The following STAG3 variants were observed in gnomAD, a reference collection of about 807,000 sequenced individuals.
STAG3 encodes the protein cohesin subunit SA-3.
STAG3 carries 101 observed loss-of-function variants against 160.7 expected under a neutral mutation model. That is an observed-to-expected ratio of 0.63 (90% CI 0.54 to 0.74). The LOEUF is 0.74. STAG3 is among the 30% of genes least tolerant of loss of function. The pLI, the probability that STAG3 is intolerant of heterozygous loss-of-function variation, is 0.00. For synonymous variants in STAG3, 519 were observed against 585.0 expected (o/e 0.89, Z 1.63); for missense variants, 1,188 against 1,517.4 (o/e 0.78, Z 3.61).
At chr7:100,203,205 A>T (rs1801304544) in intron 25 of STAG3, among the ~76,000 whole-genome samples, 3 of 145,198 alleles carry the variant, frequency 2.1e-5, no homozygotes, top group Admixed American at 6.9e-5. Flanking sequence ...TTTTTTCCTG[A>T]GACAGATTCT....
At chr7:100,183,435 C>G (rs1302068039) in intron 4 of STAG3, among the ~76,000 whole-genome samples, 2 of 152,204 alleles carry the variant, frequency 1.3e-5, no homozygotes, top group Non-Finnish European at 2.9e-5. Flanking sequence ...TGGGTGGCAC[C>G]TTGTTCACCC....
chr7:100,213,982 A>G lies in STAG3; in HGVS notation c.3673-25A>G, dbSNP rs762504724. On this transcript the variant is annotated intron_variant, in intron 33 of 33. Transcript: ENST00000615138. ...ATTGGCCCGTTGCTGTGTCCTGTGT[A>G]TTCCTTTCATCTTTCTCATTATAGG... is the stretch of plus-strand genomic sequence containing the variant. 72 of 1,613,808 alleles carry G rather than the reference A, an allele frequency of 4.5e-5. No homozygotes were observed. The Admixed American group carries it at 1.1e-3, about 25-fold the overall frequency.
At chr7:100,202,634 G>T in intron 25 of STAG3, 44 bp downstream of exon 25, 1 of 1,593,388 alleles carries the variant, frequency 6.3e-7, no homozygotes, top group Non-Finnish European at 8.6e-7. Flanking sequence ...GGAGCAAGTT[G>T]AGCACAGCCA....
chr7:100,214,847 C>A (rs1802625409), downstream of STAG3: 1 of 152,050 alleles, frequency 6.6e-6, no homozygotes, highest in South Asian at 2.1e-4. Flanking sequence ...CCCTAAAATC[C>A]AAGTGACAAT....
chr7:100,199,681 C>T, intron 16 of STAG3, 37 bp downstream of exon 16: 1 of 1,475,886 alleles, frequency 6.8e-7, no homozygotes, highest in Non-Finnish European at 9.2e-7. Context: ...GTCAGCAATA[C>T]TCAGTCTTGA....
rs754933040 is a variant in STAG3, at chr7:100,198,906, C to T, written c.1416C>T (p.Gly472=). ...GAAGAGAGCAACGCCAGAGCCCAGG[C>T]GCCCAGAGGACTTTCTTCCAGCTTC... ...MGGREQRQSP[G]AQRTFFQLLL... Residue 472 remains glycine (G), a synonymous_variant, in exon 14 of 34, where the codon GGC becomes GGT. Coordinates refer to ENST00000615138, the MANE Select transcript of STAG3 (RefSeq NM_001282717.2). 1.1e-5 allele frequency: 17 copies of T among 1,612,126 alleles called. No homozygotes were observed. Among genetic ancestry groups the T allele is most frequent in the African/African-American group, 2.7e-5 (2 of 74,862 alleles).
intron 8 of STAG3, among the ~76,000 whole-genome samples, chr7:100,190,798 T>C (rs1398950019): frequency 6.6e-6 from 1 of 152,204 alleles, no homozygotes; most frequent in African/African-American, 2.4e-5. Flanking sequence ...CTAGCTTATT[T>C]CCCCATTTTC....
chr7:100,183,052 C>T (rs566787830), intron 4 of STAG3, among the ~76,000 whole-genome samples: 9 of 151,708 alleles, frequency 5.9e-5, no homozygotes, highest in East Asian at 3.9e-4. Flanking sequence ...CTCTTTCTGT[C>T]GCCCAGGCTG....
At chr7:100,216,072 G>A (rs1197322533), downstream of STAG3, among the ~76,000 whole-genome samples, 1 of 152,202 alleles carries the variant, frequency 6.6e-6, no homozygotes, top group African/African-American at 2.4e-5. Flanking sequence ...GGAGTCAGAT[G>A]ATTCCAACCT....
chr7:100,213,476 T>C (rs1422673320), intron 32 of STAG3: 1 of 985,104 alleles, frequency 1.0e-6, no homozygotes, highest in East Asian at 1.1e-4. Context: ...TAAAATATTA[T>C]TTCCTAACAT....
In STAG3 at chr7:100,188,940, G is replaced by A. The variant is rs769612978; in HGVS notation, c.639G>A (p.Met213Ile). 2 of 1,614,132 alleles carry A rather than the reference G, an allele frequency of 1.2e-6. No homozygotes were observed. The highest frequency in any genetic ancestry group is 1.7e-6 in the Non-Finnish European group (2 of 1,180,028). The change falls in exon 7 of 34, where the codon ATG becomes ATA. Residue 213 changes from methionine (M) to isoleucine (I), a missense_variant. Physicochemically the swap from Met to Ile is conservative, Grantham distance 10. Transcript: ENST00000615138. ...GCCTCCTCTATGATGGCTTCCCTAT[G>A]GACGACCTCATCTCCCTGCTCACTG... is the stretch of plus-strand genomic sequence containing the variant. ...QYSLLYDGFP[M>I]DDLISLLTGL...
intron 8 of STAG3, among the ~76,000 whole-genome samples, chr7:100,190,062 G>A (rs1800264781): frequency 6.6e-6 from 1 of 152,110 alleles, no homozygotes; most frequent in Admixed American, 6.5e-5. Flanking sequence ...TAGCTCCATA[G>A]CCTTATGTAA....
intron 12 of STAG3, 52 bp downstream of exon 12, chr7:100,198,218 G>A (rs1023840167): frequency 3.2e-6 from 5 of 1,550,860 alleles, no homozygotes; most frequent in Non-Finnish European, 3.6e-6. Context: ...GCCCTTCCAG[G>A]GTCATCTCCC....
chr7:100,199,775 G>T, intron 16 of STAG3, 131 bp downstream of exon 16: 1 of 736,566 alleles, frequency 1.4e-6, no homozygotes, highest in South Asian at 2.0e-5. Context: ...AGAAAAAAGG[G>T]CCAGGCGCAG....
chr7:100,216,766 G>A (rs1362932659), downstream of STAG3, among the ~76,000 whole-genome samples: 54 of 148,166 alleles, frequency 3.6e-4, no homozygotes, highest in Non-Finnish European at 7.7e-4. Flanking sequence ...GCAAGACTCC[G>A]TTTCAAAAAA....
rs1800832715 is a variant in STAG3 at position 100,198,352 on chromosome 7, C to T, written c.1245-123C>T. The T allele has an allele frequency of 7.4e-6, 9 of 1,220,508 alleles. No individual in the cohort carries two copies. The South Asian group carries it at 8.5e-5, about 11-fold the overall frequency. The allele number at this position is 1,220,508 out of a possible 1,614,324, so 75.6% of individuals were successfully genotyped here. ...TCCCCATACTCCTTTGTCTTCCGCTCTTCATTTAGAAGTTTTTTGTGAGTT... is the reference window on the plus strand; with the variant it reads ...TCCCCATACTCCTTTGTCTTCCGCTTTTCATTTAGAAGTTTTTTGTGAGTT... On this transcript the variant is annotated intron_variant, in intron 12 of 33. Coordinates refer to ENST00000615138, the MANE Select transcript of STAG3 (RefSeq NM_001282717.2).
chr7:100,200,078 A>AAC, intron 16 of STAG3, 158 bp from the exon 17 acceptor site: 1 of 582,742 alleles, frequency 1.7e-6, no homozygotes, highest in South Asian at 2.4e-5. Flanking sequence ...AAAAAAAAAA[A>AAC]AAAAGGAGTT....
In STAG3 at chr7:100,197,145, T is replaced by C. The variant is rs1405191179; in HGVS notation, c.942-11T>C. On this transcript the variant is annotated splice_polypyrimidine_tract_variant and intron_variant, in intron 9 of 33. Transcript: ENST00000615138. ...GTGGCTCTAAGAGTCAACTTATCTG[T>C]CTGTGTCTAGGGATGTCCTTCCTGA... 1 of 1,597,566 alleles carries C rather than the reference T, an allele frequency of 6.3e-7. No homozygotes were observed.
chr7:100,181,096 A>G (rs1799619942), intron 2 of STAG3, among the ~76,000 whole-genome samples: 1 of 152,120 alleles, frequency 6.6e-6, no homozygotes, highest in African/African-American at 2.4e-5. Flanking sequence ...GGGGGAGTAA[A>G]GAGTTCTTTA....
Sources: gnomAD v4.1 joint callset for allele counts (sites outside exome capture counted in the v4.1 genomes callset) on GRCh38, gnomAD v4.1.1 for gene constraint, MANE v1.5 for transcripts, NCBI Gene and HGNC (gene_info 2026-07-23, HGNC 2026-07-21) for gene names.